Variants in NFATC2 observed in about 807,000 individuals in gnomAD.
The protein encoded by NFATC2 is nuclear factor of activated T-cells, cytoplasmic 2.
In NFATC2, 22 loss-of-function variants were observed where a neutral mutation model predicts 87.3. The observed-to-expected ratio is 0.25, with a 90% CI of 0.18 to 0.36. The LOEUF (loss-of-function observed/expected upper bound fraction) is 0.36. NFATC2 is among the 10% of genes least tolerant of loss of function. NFATC2 has a pLI of 1.00. For synonymous variants in NFATC2, 565 were observed against 542.2 expected, an observed-to-expected ratio of 1.04 and a Z score of -0.58; for missense variants, 1,149 against 1,259.1, an observed-to-expected ratio of 0.91 and a Z score of 1.32.
intron 6 of NFATC2, among the ~76,000 whole-genome samples, chr20:51,437,411 G>A (rs117218691): frequency 0.017 from 2,537 of 152,274 alleles, 35 homozygotes; most frequent in Non-Finnish European, 0.024. Flanking sequence ...GTGGGCTGGA[G>A]TACATAGCAC....
chr20:51,553,987 T>A lies in NFATC2; in HGVS notation c.70+8573A>T, dbSNP rs1224482011. ...GCCCCAAGATCATTTCTCTCTCCAT[T>A]CTCTTCCCTGCCATATTCTTTGCAG... On this transcript the variant is annotated intron_variant, in intron 1 of 10. Coordinates refer to the NFATC2 transcript ENST00000414705. Among the ~76,000 whole-genome samples the A allele has an allele frequency of 2.0e-5, 3 of 152,032 alleles. No homozygotes were observed. The East Asian group carries it at 5.8e-4, about 29-fold the overall frequency.
In NFATC2 at chr20:51,480,202, C is replaced by T. The variant is rs1228566120; in HGVS notation, c.1333-4542G>A. Reference sequence around the variant, plus strand: ...ACTCAGGAGACCAAGGCAGGAGAATCACTTGAACCCGGGGGTTGGAGGTGG... The same window carrying T: ...ACTCAGGAGACCAAGGCAGGAGAATTACTTGAACCCGGGGGTTGGAGGTGG... On this transcript the variant is annotated intron_variant, in intron 3 of 10. Transcript: ENST00000371564. This position sits in a 1 kb window ranked among gnomAD's most constrained non-coding sequence, Gnocchi z 4.2. Among the ~76,000 whole-genome samples, 1 of 152,108 alleles carries T rather than the reference C, an allele frequency of 6.6e-6. No homozygotes were observed. The highest frequency in any genetic ancestry group is 1.5e-5 in the Non-Finnish European group (1 of 68,020).
chr20:51,461,853 C>G lies in NFATC2; in HGVS notation c.1709-7165G>C, dbSNP rs538645968. On this transcript the variant is annotated intron_variant, in intron 5 of 10. Transcript: ENST00000371564. ...CGGACAGGCTGGGTGTGGTGGCTCACCCCTGTAATCCCAGCACTTTGGGAG... is the reference window on the plus strand; with the variant it reads ...CGGACAGGCTGGGTGTGGTGGCTCAGCCCTGTAATCCCAGCACTTTGGGAG... Among the ~76,000 whole-genome samples the G allele has an allele frequency of 1.5e-4, 23 of 152,284 alleles. No homozygotes were observed. In the East Asian group the frequency reaches 4.2e-3, roughly 28 times the overall value.
chr20:51,515,331 C>T (rs140383420), intron 3 of NFATC2, among the ~76,000 whole-genome samples: 108 of 152,332 alleles, frequency 7.1e-4, no homozygotes, highest in African/African-American at 2.5e-3. Context: ...AAGAGACCTC[C>T]CCACCAAGCA....
intron 6 of NFATC2, among the ~76,000 whole-genome samples, chr20:51,447,571 G>A (rs1985230552): frequency 6.6e-6 from 1 of 152,202 alleles, no homozygotes; most frequent in South Asian, 2.1e-4. Context: ...CTTTCCCGCT[G>A]CCACATCACT....
intron 1 of NFATC2, among the ~76,000 whole-genome samples, chr20:51,550,609 A>G (rs1452937687): frequency 6.6e-6 from 1 of 152,086 alleles, no homozygotes; most frequent in African/African-American, 2.4e-5. Context: ...AATAATAATA[A>G]TAATAAATAC....
rs1422645246 is a variant in NFATC2, at chr20:51,562,245, T to C, written c.70+315A>G. On this transcript the variant is annotated intron_variant, in intron 1 of 10. Transcript: ENST00000414705. The surrounding 1 kb of genome is among the most constrained non-coding windows in gnomAD (Gnocchi z 5.8). ...AAACGGTTAAACAGCCAGCGGTTAG[T>C]AGCGAGAATCCCTCCCGGTGTCCCG... 6.6e-6 allele frequency among the ~76,000 whole-genome samples: 1 copy of C among 152,242 alleles called. No individual in the cohort carries two copies. Among genetic ancestry groups the C allele is most frequent in the African/African-American group, 2.4e-5 (1 of 41,468 alleles).
At chr20:51,452,074 G>A (rs770004313) in intron 6 of NFATC2, among the ~76,000 whole-genome samples, 1 of 152,140 alleles carries the variant, frequency 6.6e-6, no homozygotes, top group African/African-American at 2.4e-5. Context: ...GGGACTGCTG[G>A]TGCAGAGTCT....
rs1987616230 is a variant in NFATC2 at position 51,398,731 on chromosome 20, CTGAAAA to C, written c.2723-7_2723-2del. ...CAGCTAAGGTGTGTGTCTATCAGCTCTGAAAAAGATTTGCAAAATCATTTTTGAGAA... is the reference window on the plus strand; with the variant it reads ...CAGCTAAGGTGTGTGTCTATCAGCTCAGATTTGCAAAATCATTTTTGAGAA... On this transcript the variant is annotated splice_acceptor_variant and splice_polypyrimidine_tract_variant and intron_variant, in intron 9 of 10. Transcript: ENST00000371564. LOFTEE classifies it high-confidence loss of function. 2 of 1,605,988 alleles carry C rather than the reference CTGAAAA, an allele frequency of 1.2e-6. No homozygotes were observed. Among genetic ancestry groups the C allele is most frequent in the Admixed American group, 3.3e-5 (2 of 59,780 alleles).
rs577989142 is a variant in NFATC2 at position 51,391,474 on chromosome 20, G to GA, written c.*45-24_*45-23insT. On this transcript the variant is annotated intron_variant, in intron 10 of 10. Transcript: ENST00000371564. ...TAACTACAAAAGAAAAGAGGAGGGG[G>GA]GGGGAGAGAGAATGGGGCAAGTGAG... 3.0e-3 allele frequency: 4,813 copies of GA among 1,585,124 alleles called. 145 individuals carry two copies. In the South Asian group the frequency reaches 0.038, roughly 12 times the overall value.
chr20:51,399,703 TGCATCTCAGG>T (rs1461953438), intron 9 of NFATC2, among the ~76,000 whole-genome samples: 6 of 152,152 alleles, frequency 3.9e-5, no homozygotes, highest in Non-Finnish European at 5.9e-5. Context: ...TTTCTGACCA[TGCATCTCAGG>T]CCATCTCCCA....
chr20:51,399,934 C>T (rs1389951593), intron 9 of NFATC2, among the ~76,000 whole-genome samples: 2 of 152,220 alleles, frequency 1.3e-5, no homozygotes, highest in African/African-American at 2.4e-5. Flanking sequence ...ATTGCAATAT[C>T]TACCTGCCCA....
chr20:51,561,482 A>G (rs1021727316), intron 1 of NFATC2, among the ~76,000 whole-genome samples: 2 of 108,098 alleles, frequency 1.9e-5, no homozygotes, highest in African/African-American at 3.7e-5. Flanking sequence ...AAAGAAAGAA[A>G]GAAAGCAAGC....
chr20:51,514,541 A>T (rs1600918089), intron 3 of NFATC2, among the ~76,000 whole-genome samples: 2 of 152,212 alleles, frequency 1.3e-5, no homozygotes, highest in Non-Finnish European at 2.9e-5. Context: ...AGTGGCAGGT[A>T]GCATGAAGGA....
At chr20:51,395,522 T>C (rs1370716534) in intron 10 of NFATC2, among the ~76,000 whole-genome samples, 2 of 152,010 alleles carry the variant, frequency 1.3e-5, no homozygotes, top group African/African-American at 4.8e-5. Flanking sequence ...AGGCCAGCAG[T>C]TGTGAGTCTG....
chr20:51,481,690 A>G lies in NFATC2; in HGVS notation c.1333-6030T>C, dbSNP rs148850083. On this transcript the variant is annotated intron_variant, in intron 3 of 10. Transcript: ENST00000371564. ...ACCTTCCCATCAAAGGGACCCAAGAAGCCAACTGCAGGCTTGGGGGCATCA... is the reference window on the plus strand; with the variant it reads ...ACCTTCCCATCAAAGGGACCCAAGAGGCCAACTGCAGGCTTGGGGGCATCA... 8.2e-4 allele frequency among the ~76,000 whole-genome samples: 125 copies of G among 152,110 alleles called. 2 individuals are homozygous for G. The East Asian group carries it at 0.016, about 20-fold the overall frequency.
At chr20:51,538,578 A>T (rs914877979) in intron 1 of NFATC2, among the ~76,000 whole-genome samples, 1 of 152,232 alleles carries the variant, frequency 6.6e-6, no homozygotes, top group African/African-American at 2.4e-5. Flanking sequence ...GCAGTAGCTC[A>T]GAGAGGACAG....
chr20:51,557,460 ACACT>A (rs1163454722), intron 1 of NFATC2, among the ~76,000 whole-genome samples: 1 of 152,114 alleles, frequency 6.6e-6, no homozygotes, highest in African/African-American at 2.4e-5. Flanking sequence ...CACACGGTTG[ACACT>A]CAGTGAGTGG....
chr20:51,488,118 C>T (rs1182329135), intron 3 of NFATC2, among the ~76,000 whole-genome samples: 1 of 152,266 alleles, frequency 6.6e-6, no homozygotes, highest in Non-Finnish European at 1.5e-5. Context: ...TGACTCACCT[C>T]TTCATCGGGG....
Sources: allele counts gnomAD v4.1 joint callset (sites outside exome capture counted in the v4.1 genomes callset), GRCh38; gene constraint gnomAD v4.1.1; non-coding constraint Gnocchi (gnomAD v3.1); transcripts MANE v1.5; gene names NCBI Gene and HGNC (gene_info 2026-07-23, HGNC 2026-07-21).